Variants in CHD5 observed in about 807,000 individuals in gnomAD.
CHD5 encodes the protein chromodomain helicase DNA binding protein 5, also known as ATP-dependent chromatin remodeler CHD5.
In CHD5, 69 loss-of-function variants were observed where a neutral mutation model predicts 230.3. The observed-to-expected ratio is 0.30, with a 90% CI of 0.25 to 0.37. The LOEUF is 0.37. Ranked by LOEUF, CHD5 falls within the 10% of genes least tolerant of loss-of-function variation. The pLI is 1.00. For missense variants in CHD5, 1,827 were observed against 2,622.8 expected (o/e 0.70, Z 6.63); for synonymous variants, 1,064 against 1,065.9 (o/e 1.00, Z 0.03).
chr1:6,163,595 G>C (rs985407229), intron 2 of CHD5, among the ~76,000 whole-genome samples: 9 of 152,158 alleles, frequency 5.9e-5, no homozygotes, highest in African/African-American at 2.2e-4. Flanking sequence ...CAGAGCAGTG[G>C]CCCATGAGCA....
At chr1:6,108,298 A>G (rs553800235) in intron 38 of CHD5, among the ~76,000 whole-genome samples, 2 of 134,690 alleles carry the variant, frequency 1.5e-5, no homozygotes, top group African/African-American at 5.7e-5. Flanking sequence ...GAGAGATGAT[A>G]GAGGGAAGAT....
chr1:6,107,311 A>T (rs1666197911), intron 38 of CHD5, among the ~76,000 whole-genome samples: 1 of 122,796 alleles, frequency 8.1e-6, no homozygotes, highest in Non-Finnish European at 1.7e-5. Context: ...AGATGGAGGG[A>T]TGATGAAAGG....
intron 20 of CHD5, among the ~76,000 whole-genome samples, chr1:6,132,880 TTCTCTCTC>T (rs111561200): frequency 9.0e-5 from 13 of 144,428 alleles, no homozygotes; most frequent in African/African-American, 3.1e-4. Context: ...TCCTATTCTT[TTCTCTCTC>T]TCTCTCTCTC....
At chr1:6,113,171 C>A (rs1666320380) in intron 33 of CHD5, 173 bp from the exon 34 acceptor site, 2 of 601,118 alleles carry the variant, frequency 3.3e-6, no homozygotes, top group Non-Finnish European at 6.0e-6. Flanking sequence ...ATGCTGTAAT[C>A]CCAGTATTTT....
intron 20 of CHD5, among the ~76,000 whole-genome samples, chr1:6,133,244 A>G (rs2843492): frequency 0.18 from 28,081 of 152,052 alleles, 3,423 homozygotes; most frequent in East Asian, 0.66. Context: ...AAGGCCTCTG[A>G]TCAGACTTGC....
In CHD5 at chr1:6,105,161, A is replaced by C; in HGVS notation, c.*313T>G. 2.9e-6 allele frequency: 1 copy of C among 345,132 alleles called. No homozygotes were observed. Among genetic ancestry groups the C allele is most frequent in the South Asian group, 2.2e-5 (1 of 45,504 alleles). 21.4% of individuals were successfully genotyped at this position (345,132 alleles called of 1,614,324 possible). A position where few individuals can be genotyped will look rare whatever the true frequency, so the allele number is the denominator to read the frequency against. Reference sequence around the variant, plus strand: ...CAATAGGAAAGTGCAAAAGATGTACAAATAAATGAAATCTCTTCTAAGAAG... The same window carrying C: ...CAATAGGAAAGTGCAAAAGATGTACCAATAAATGAAATCTCTTCTAAGAAG... On this transcript the variant is annotated 3_prime_UTR_variant, in exon 42 of 42. Coordinates refer to ENST00000262450, the MANE Select transcript of CHD5 (RefSeq NM_015557.3). This position sits in a 1 kb window ranked among gnomAD's most constrained non-coding sequence, Gnocchi z 4.8.
At chr1:6,135,479 C>T (rs1666723335) in intron 17 of CHD5, 76 bp from the exon 18 acceptor site, 4 of 1,351,360 alleles carry the variant, frequency 3.0e-6, no homozygotes, top group Non-Finnish European at 4.0e-6. Flanking sequence ...GCGCCTAGCC[C>T]ATGTAGGCCG....
rs769909955 is a variant in CHD5 at position 6,126,548 on chromosome 1, CA to C, written c.4078+23del. 1.2e-6 allele frequency: 2 copies of C among 1,610,360 alleles called. No individual in the cohort carries two copies. Among genetic ancestry groups the C allele is most frequent in the African/African-American group, 2.7e-5 (2 of 74,964 alleles). Reference sequence around the variant, plus strand: ...CCCTCCGCCTCTGGGTGAGGGGCACCAGTCCCTCCCTCCCGGCACGCACCCT... The same window carrying C: ...CCCTCCGCCTCTGGGTGAGGGGCACCGTCCCTCCCTCCCGGCACGCACCCT... On this transcript the variant is annotated intron_variant, in intron 26 of 41. Transcript: ENST00000262450. This position sits in a 1 kb window ranked among gnomAD's most constrained non-coding sequence, Gnocchi z 5.7.
At chr1:6,113,204 A>T (rs1277675284) in intron 33 of CHD5, 3 of 552,308 alleles carry the variant, frequency 5.4e-6, no homozygotes. Context: ...CAGGAGGATC[A>T]CTTCAGACCA....
chr1:6,176,464 G>A (rs994468107), intron 1 of CHD5, among the ~76,000 whole-genome samples: 2 of 152,164 alleles, frequency 1.3e-5, no homozygotes, highest in African/African-American at 4.8e-5. Context: ...GCCCTAAGAG[G>A]GCTGAGAGCC....
At chr1:6,166,221 A>G (rs928585424) in intron 2 of CHD5, among the ~76,000 whole-genome samples, 4 of 142,026 alleles carry the variant, frequency 2.8e-5, no homozygotes, top group Non-Finnish European at 4.5e-5. Flanking sequence ...ACATGCACAC[A>G]CGTGTGTGCA....
rs373827895 is a variant in CHD5 at position 6,125,504 on chromosome 1, C to T, written c.4260+20G>A. On this transcript the variant is annotated intron_variant, in intron 28 of 41. Coordinates refer to ENST00000262450, the MANE Select transcript of CHD5 (RefSeq NM_015557.3). This position sits in a 1 kb window ranked among gnomAD's most constrained non-coding sequence, Gnocchi z 6.7. ...CAGGAAGCAGGGGCAGAAAGAGATG[C>T]GGGAACAGACAGGCCCCACCTCGAT... 505 of 1,560,054 alleles carry T rather than the reference C, an allele frequency of 3.2e-4. No homozygotes were observed. The highest frequency in any genetic ancestry group is 5.1e-4 in the South Asian group (43 of 85,144).
intron 7 of CHD5, among the ~76,000 whole-genome samples, chr1:6,150,675 G>A (rs922273985): frequency 6.6e-6 from 1 of 152,088 alleles, no homozygotes; most frequent in Non-Finnish European, 1.5e-5. Flanking sequence ...GTAAAGATGG[G>A]TGTTAAGTGG....
At chr1:6,164,131 G>T (rs758595574) in intron 2 of CHD5, among the ~76,000 whole-genome samples, 1 of 152,210 alleles carries the variant, frequency 6.6e-6, no homozygotes, top group Non-Finnish European at 1.5e-5. Flanking sequence ...TCCCAGCTCC[G>T]CAGATGTTTC....
At chr1:6,164,504 C>T (rs1184604108) in intron 2 of CHD5, among the ~76,000 whole-genome samples, 1 of 152,188 alleles carries the variant, frequency 6.6e-6, no homozygotes, top group Non-Finnish European at 1.5e-5. Flanking sequence ...AATCAGAATC[C>T]ACGACTTGCT....
In CHD5 at chr1:6,155,761, T is replaced by C. The variant is rs755727427; in HGVS notation, c.388-44A>G. The C allele has an allele frequency of 1.6e-5, 23 of 1,468,602 alleles. No homozygotes were observed. The highest frequency in any genetic ancestry group is 2.2e-5 in the Non-Finnish European group (23 of 1,049,152). The allele number at this position is 1,468,602 out of a possible 1,614,324, so 91.0% of individuals were successfully genotyped here. A position where few individuals can be genotyped will look rare whatever the true frequency, so the allele number is the denominator to read the frequency against. The stretch of plus-strand genomic sequence containing the variant: ...GAGGTAGAGTTGTTGAGGGGCCTTC[T>C]GACCTGCACCCCCATCCCCAGGGTC... On this transcript the variant is annotated intron_variant, in intron 3 of 41. Transcript: ENST00000262450. The surrounding 1 kb of genome is among the most constrained non-coding windows in gnomAD (Gnocchi z 4.0).
intron 33 of CHD5, among the ~76,000 whole-genome samples, chr1:6,118,833 G>C (rs1666417420): frequency 6.6e-6 from 1 of 151,750 alleles, no homozygotes; most frequent in Non-Finnish European, 1.5e-5. Flanking sequence ...GAGTAGCTGG[G>C]ATTACAGGTG....
intron 33 of CHD5, among the ~76,000 whole-genome samples, chr1:6,115,083 C>T (rs1301199583): frequency 3.2e-4 from 49 of 151,342 alleles, no homozygotes; most frequent in African/African-American, 1.1e-3. Flanking sequence ...GAGGCCGAGG[C>T]GGGCAGATCA....
At position 6,140,994 on chromosome 1, in the gene CHD5, T is replaced by TAATAAA. The variant is rs1553140539; in HGVS notation, c.2436+1133_2436+1134insTTTATT. ...ATAATAATAATAATAATAATAATAA[T>TAATAAA]AATAATAGGCTGAGCGTGGTGGCTC... On this transcript the variant is annotated intron_variant, in intron 15 of 41. Coordinates refer to ENST00000262450, the MANE Select transcript of CHD5 (RefSeq NM_015557.3). 2.4e-4 allele frequency among the ~76,000 whole-genome samples: 35 copies of TAATAAA among 148,664 alleles called. No individual in the cohort carries two copies. In the East Asian group the frequency reaches 3.0e-3, roughly 13 times the overall value.
Sources: allele counts gnomAD v4.1 joint callset (sites outside exome capture counted in the v4.1 genomes callset), GRCh38; gene constraint gnomAD v4.1.1; non-coding constraint Gnocchi (gnomAD v3.1); transcripts MANE v1.5; gene names NCBI Gene and HGNC (gene_info 2026-07-23, HGNC 2026-07-21).